Variants in OPTN observed in about 807,000 individuals in gnomAD.
The protein encoded by OPTN is E3-14.7K-interacting protein.
A neutral mutation model predicts 70.4 loss-of-function variants in OPTN; 54 were observed. That is an observed-to-expected ratio of 0.77 (90% CI 0.62 to 0.96). OPTN has a LOEUF of 0.96. Ranked by LOEUF, OPTN falls within the 40% of genes least tolerant of loss-of-function variation. The probability of loss-of-function intolerance (pLI) is 0.00; values close to 1 mark genes in which losing one functional copy is unlikely to be tolerated. For synonymous variants in OPTN, 256 were observed against 248.5 expected (o/e 1.03, Z -0.28); for missense variants, 624 against 673.2 (o/e 0.93, Z 0.81).
intron 4 of OPTN, 70 bp from the exon 5 acceptor site, chr10:13,112,383 A>T: frequency 6.9e-7 from 1 of 1,455,472 alleles, no homozygotes; most frequent in Non-Finnish European, 9.6e-7. Flanking sequence ...CTCTGCGATT[A>T]AGGGCATGAG....
At chr10:13,130,554 G>A (rs906341142) in intron 12 of OPTN, among the ~76,000 whole-genome samples, 1 of 149,952 alleles carries the variant, frequency 6.7e-6, no homozygotes, top group Non-Finnish European at 1.5e-5. Context: ...AGACTAAATC[G>A]AATTTAAGTC....
intron 5 of OPTN, among the ~76,000 whole-genome samples, chr10:13,114,236 A>G (rs1024437283): frequency 1.3e-5 from 2 of 152,258 alleles, no homozygotes; most frequent in Admixed American, 6.5e-5. Flanking sequence ...ATTTGCTGCA[A>G]TAGAGTTAGG....
chr10:13,118,948 G>A lies in OPTN; in HGVS notation c.687G>A (p.Glu229=), dbSNP rs1468014107. The A allele has an allele frequency of 1.2e-6, 2 of 1,614,030 alleles. No individual in the cohort carries two copies. Among genetic ancestry groups the A allele is most frequent in the South Asian group, 1.1e-5 (1 of 91,082 alleles). The part of the protein sequence containing the change: ...ADGAKNYFEH[E]ELTVSQLLLC... ...GGGCCAAGAATTACTTCGAACATGA[G>A]GAGTTAACTGTGAGCCAGCTCCTGC... Residue 229 remains glutamate, a synonymous_variant, in exon 7 of 15, where the codon GAG becomes GAA. Coordinates refer to ENST00000378747, the MANE Select transcript of OPTN (RefSeq NM_001008212.2).
chr10:13,132,295 C>A, intron 13 of OPTN, 98 bp downstream of exon 13: 2 of 1,404,312 alleles, frequency 1.4e-6, no homozygotes, highest in Admixed American at 1.8e-5. Flanking sequence ...ATAAGAATAG[C>A]TGTGTTCGCG....
At chr10:13,109,049 A>T in intron 2 of OPTN, 63 bp from the exon 3 acceptor site, 1 of 1,469,792 alleles carries the variant, frequency 6.8e-7, no homozygotes, top group South Asian at 1.1e-5. Flanking sequence ...GGTTTGTGGG[A>T]CTCCCGGGGA....
chr10:13,119,519 G>A (rs2131506901), intron 7 of OPTN, among the ~76,000 whole-genome samples: 2 of 152,294 alleles, frequency 1.3e-5, no homozygotes, highest in South Asian at 4.1e-4. Context: ...TGAACAGTGT[G>A]TACAAGTTTT....
intron 11 of OPTN, among the ~76,000 whole-genome samples, chr10:13,127,226 C>T (rs868855567): frequency 4.6e-5 from 7 of 152,178 alleles, no homozygotes; most frequent in African/African-American, 1.4e-4. Flanking sequence ...AGGCAATCCA[C>T]GTGCCTCAGC....
chr10:13,110,894 A>G (rs917356953), intron 4 of OPTN, among the ~76,000 whole-genome samples: 1 of 152,234 alleles, frequency 6.6e-6, no homozygotes, highest in Non-Finnish European at 1.5e-5. Context: ...TAAAATGGAG[A>G]TTATTCACTT....
chr10:13,110,187 T>C, intron 3 of OPTN, 87 bp from the exon 4 acceptor site: 1 of 1,571,264 alleles, frequency 6.4e-7, no homozygotes, highest in South Asian at 1.2e-5. Flanking sequence ...CAGAGCCATG[T>C]GGTCAAGTGG....
rs1202670939 is a variant in OPTN at position 13,136,727 on chromosome 10, TATC to T, written c.1613-15_1613-13del. The T allele has an allele frequency of 1.2e-6, 2 of 1,613,770 alleles. No individual in the cohort carries two copies. The highest frequency in any genetic ancestry group is 1.7e-6 in the Non-Finnish European group (2 of 1,179,834). On this transcript the variant is annotated splice_polypyrimidine_tract_variant and intron_variant, in intron 14 of 14. Transcript: ENST00000378747. ...GCCTGCAAAATGGAACTAATGGAAT[TATC>T]ATACTTATTCCCAGGAGCTGAGGAC...
chr10:13,122,301 G>A lies in OPTN; in HGVS notation c.780-84G>A, dbSNP rs552346403. Reference sequence around the variant, plus strand: ...ATCCTTTATCCCAATTGTAAACAATGTTCTTTTTAGTACTTCTGTAATAAT... The same window carrying A: ...ATCCTTTATCCCAATTGTAAACAATATTCTTTTTAGTACTTCTGTAATAAT... On this transcript the variant is annotated intron_variant, in intron 7 of 14. Coordinates refer to ENST00000378747, the MANE Select transcript of OPTN (RefSeq NM_001008212.2). 132 of 901,576 alleles carry A rather than the reference G, an allele frequency of 1.5e-4. 5 individuals are homozygous for A. The highest frequency in any genetic ancestry group is 1.3e-3 in the East Asian group (50 of 38,818). The allele number at this position is 901,576 out of a possible 1,614,324, so 55.8% of individuals were successfully genotyped here.
intron 5 of OPTN, among the ~76,000 whole-genome samples, chr10:13,113,917 T>C (rs1221858440): frequency 6.6e-6 from 1 of 151,640 alleles, no homozygotes; most frequent in Non-Finnish European, 1.5e-5. Flanking sequence ...TACAAAAAGT[T>C]AGCTAGGCAC....
intron 6 of OPTN, among the ~76,000 whole-genome samples, chr10:13,117,344 C>T (rs183383331): frequency 7.9e-5 from 12 of 150,998 alleles, no homozygotes; most frequent in East Asian, 5.9e-4. Flanking sequence ...CCTCCCAAAG[C>T]GCTGGGATTA....
At chr10:13,131,872 C>A (rs1179269959) in intron 12 of OPTN, among the ~76,000 whole-genome samples, 195 bp from the exon 13 acceptor site, 1 of 152,204 alleles carries the variant, frequency 6.6e-6, no homozygotes, top group African/African-American at 2.4e-5. Context: ...AAAGCACACA[C>A]ACAAACACAG....
chr10:13,127,938 C>T, intron 12 of OPTN, 35 bp downstream of exon 12: 1 of 1,607,886 alleles, frequency 6.2e-7, no homozygotes, highest in Non-Finnish European at 8.5e-7. Context: ...CTGAGCGAGG[C>T]CAGCCCTGAC....
At chr10:13,111,384 C>T (rs1832991047) in intron 4 of OPTN, among the ~76,000 whole-genome samples, 1 of 152,088 alleles carries the variant, frequency 6.6e-6, no homozygotes, top group South Asian at 2.1e-4. Flanking sequence ...GTAAAAATTT[C>T]CATTTTAAAT....
chr10:13,114,235 A>C (rs1387259198), intron 5 of OPTN, among the ~76,000 whole-genome samples: 1 of 152,154 alleles, frequency 6.6e-6, no homozygotes, highest in African/African-American at 2.4e-5. Flanking sequence ...TATTTGCTGC[A>C]ATAGAGTTAG....
chr10:13,110,825 T>A (rs995689789), intron 4 of OPTN, among the ~76,000 whole-genome samples: 2 of 152,252 alleles, frequency 1.3e-5, no homozygotes, highest in Non-Finnish European at 2.9e-5. Flanking sequence ...ATAAAAAATA[T>A]GTTTAAAAAA....
chr10:13,134,352 C>A (rs1364857533), intron 14 of OPTN, among the ~76,000 whole-genome samples: 1 of 152,142 alleles, frequency 6.6e-6, no homozygotes, highest in Non-Finnish European at 1.5e-5. Flanking sequence ...TTCCAAAGTA[C>A]TTTATTCCTC....
Sources: gnomAD v4.1 joint callset for allele counts (sites outside exome capture counted in the v4.1 genomes callset) on GRCh38, gnomAD v4.1.1 for gene constraint, MANE v1.5 for transcripts, NCBI Gene and HGNC (gene_info 2026-07-23, HGNC 2026-07-21) for gene names.